CBLB: variants seen among roughly 807,000 people sequenced by gnomAD.
CBLB encodes E3 ubiquitin-protein ligase CBL-B.
Under a neutral mutation model 104.9 loss-of-function variants are expected in CBLB, and 31 were observed. The ratio of observed to expected loss-of-function variants is 0.30; its 90% confidence interval spans 0.22 to 0.40. The LOEUF (loss-of-function observed/expected upper bound fraction) is 0.40. Among genes scored for constraint, CBLB ranks in the 10% least tolerant of loss-of-function variants. The pLI, the probability that CBLB is intolerant of heterozygous loss-of-function variation, is 1.00. For synonymous variants in CBLB, 440 were observed against 422.6 expected, an observed-to-expected ratio of 1.04 and a Z score of -0.51; for missense variants, 1,062 against 1,214.6, an observed-to-expected ratio of 0.87 and a Z score of 1.87.
At chr3:105,769,629 A>G (rs966648778) in intron 4 of CBLB, among the ~76,000 whole-genome samples, 6 of 152,340 alleles carry the variant, frequency 3.9e-5, no homozygotes, top group Admixed American at 3.3e-4. Context: ...AACAAAGACA[A>G]TGAGGAGTAA....
intron 3 of CBLB, among the ~76,000 whole-genome samples, chr3:105,780,142 C>T (rs1321768578): frequency 6.6e-6 from 1 of 151,364 alleles, no homozygotes; most frequent in African/African-American, 2.4e-5. Context: ...CATGAGACAC[C>T]GTGCCCAGCC....
At chr3:105,699,575 G>A (rs1223277047) in intron 12 of CBLB, among the ~76,000 whole-genome samples, 1 of 152,154 alleles carries the variant, frequency 6.6e-6, no homozygotes, top group Non-Finnish European at 1.5e-5. Flanking sequence ...GAGAATTACA[G>A]GATCCTAAGT....
intron 18 of CBLB, among the ~76,000 whole-genome samples, chr3:105,669,862 T>C (rs972253632): frequency 2.6e-5 from 4 of 152,062 alleles, no homozygotes; most frequent in African/African-American, 9.7e-5. Context: ...AGAAAATGAA[T>C]AGTTTGGTGC....
At chr3:105,787,171 A>C (rs2081126420) in intron 3 of CBLB, among the ~76,000 whole-genome samples, 2 of 152,218 alleles carry the variant, frequency 1.3e-5, no homozygotes. Context: ...TTCTGAATAC[A>C]ATGACGACTA....
intron 3 of CBLB, among the ~76,000 whole-genome samples, chr3:105,833,513 C>T (rs1441737039): frequency 6.6e-6 from 1 of 152,020 alleles, no homozygotes; most frequent in East Asian, 1.9e-4. Flanking sequence ...TTCAAAGCGA[C>T]ACTCAGCAAG....
At chr3:105,835,924 G>C (rs1383568650) in intron 3 of CBLB, among the ~76,000 whole-genome samples, 1 of 152,170 alleles carries the variant, frequency 6.6e-6, no homozygotes, top group Non-Finnish European at 1.5e-5. Context: ...CTTGATGCTG[G>C]AATGATGCCA....
At chr3:105,831,115 T>G (rs1283584632) in intron 3 of CBLB, among the ~76,000 whole-genome samples, 1 of 152,176 alleles carries the variant, frequency 6.6e-6, no homozygotes, top group Admixed American at 6.5e-5. Flanking sequence ...CACATAACCA[T>G]GTTCATGGTT....
In CBLB at chr3:105,853,605, A is replaced by G. The variant is rs1276096055; in HGVS notation, c.228T>C (p.Asp76=). Reference sequence around the variant, plus strand: ...AATGCTGATATGTATCAGGCAAAATATCAAGTATATATGGTGGGCTATTTT... The same window carrying G: ...AATGCTGATATGTATCAGGCAAAATGTCAAGTATATATGGTGGGCTATTTT... ...QLKNSPPYIL[D]ILPDTYQHLR... is the part of the protein sequence containing the mutation. Residue 76 remains aspartate (D), a synonymous_variant, in exon 3 of 19, where the codon GAT becomes GAC. Coordinates refer to ENST00000394030, the MANE Select transcript of CBLB (RefSeq NM_170662.5). 1 of 1,610,610 alleles carries G rather than the reference A, an allele frequency of 6.2e-7. No individual in the cohort carries two copies. The highest frequency in any genetic ancestry group is 8.5e-7 in the Non-Finnish European group (1 of 1,177,436).
In CBLB at chr3:105,758,881, G is replaced by A. The variant is rs559320930; in HGVS notation, c.567-7263C>T. ...GGGGCTTCACAGCCTAGCTCAGGGAGCCTGTAGGTGTGGGCTCCCCAAAGG... is the reference window on the plus strand; with the variant it reads ...GGGGCTTCACAGCCTAGCTCAGGGAACCTGTAGGTGTGGGCTCCCCAAAGG... On this transcript the variant is annotated intron_variant, in intron 4 of 18. Coordinates refer to ENST00000394030, the MANE Select transcript of CBLB (RefSeq NM_170662.5). Among the ~76,000 whole-genome samples the A allele has an allele frequency of 2.0e-3, 303 of 152,386 alleles. 1 individual carries two copies. The highest frequency in any genetic ancestry group is 3.4e-3 in the Non-Finnish European group (232 of 68,042).
intron 4 of CBLB, among the ~76,000 whole-genome samples, chr3:105,757,413 T>C (rs1278953114): frequency 6.6e-6 from 1 of 152,178 alleles, no homozygotes; most frequent in African/African-American, 2.4e-5. Context: ...TATGATGGCA[T>C]GTATCAGAAC....
intron 2 of CBLB, among the ~76,000 whole-genome samples, chr3:105,866,716 T>C (rs2092447796): frequency 6.6e-6 from 1 of 152,192 alleles, no homozygotes; most frequent in Admixed American, 6.5e-5. Flanking sequence ...GATTTCTTCT[T>C]GTGAAATTAT....
intron 4 of CBLB, among the ~76,000 whole-genome samples, chr3:105,773,690 T>C (rs765712512): frequency 3.4e-4 from 52 of 152,220 alleles, no homozygotes; most frequent in Non-Finnish European, 6.8e-4. Flanking sequence ...GAAGATTCAG[T>C]TTAGTATTGG....
rs1576045337 is a variant in CBLB at position 105,657,246 on chromosome 3, C to T, written c.*1724G>A. 4.5e-6 allele frequency: 1 copy of T among 220,562 alleles called. No homozygotes were observed. Among genetic ancestry groups the T allele is most frequent in the African/African-American group, 2.2e-5 (1 of 44,648 alleles). The allele number at this position is 220,562 out of a possible 1,614,324, so 13.7% of individuals were successfully genotyped here. On this transcript the variant is annotated 3_prime_UTR_variant, in exon 19 of 19. Transcript: ENST00000394030. ...ATAACATTAATTTCCACCAGATCTACTAGATGTTCAGTCATGTCCTTTCAG... is the reference window on the plus strand; with the variant it reads ...ATAACATTAATTTCCACCAGATCTATTAGATGTTCAGTCATGTCCTTTCAG...
chr3:105,797,783 C>T (rs532202891), intron 3 of CBLB, among the ~76,000 whole-genome samples: 1 of 152,308 alleles, frequency 6.6e-6, no homozygotes, highest in South Asian at 2.1e-4. Flanking sequence ...TAATGTGATT[C>T]AGACATCAGG....
At chr3:105,674,259 C>T (rs1032315613) in intron 17 of CBLB, among the ~76,000 whole-genome samples, 1 of 152,220 alleles carries the variant, frequency 6.6e-6, no homozygotes, top group East Asian at 1.9e-4. Context: ...ATGGCATGCG[C>T]TTTCTCATCA....
intron 18 of CBLB, 82 bp from the exon 19 acceptor site, chr3:105,659,311 T>C: frequency 7.6e-7 from 1 of 1,319,308 alleles, no homozygotes; most frequent in Non-Finnish European, 1.1e-6. Flanking sequence ...ATTATCTCAT[T>C]TCCTATGGAA....
At chr3:105,822,972 T>A (rs1265807616) in intron 3 of CBLB, among the ~76,000 whole-genome samples, 1 of 152,194 alleles carries the variant, frequency 6.6e-6, no homozygotes, top group Non-Finnish European at 1.5e-5. Flanking sequence ...TGTGCTGCTT[T>A]TGTTCCTGTT....
intron 6 of CBLB, among the ~76,000 whole-genome samples, chr3:105,743,007 C>T (rs1016160676): frequency 1.3e-5 from 2 of 152,116 alleles, no homozygotes; most frequent in Admixed American, 1.3e-4. Flanking sequence ...TGGTAAGAGC[C>T]AAGGGCATTT....
chr3:105,838,613 T>C (rs1230134599), intron 3 of CBLB, among the ~76,000 whole-genome samples: 1 of 151,490 alleles, frequency 6.6e-6, no homozygotes, highest in Non-Finnish European at 1.5e-5. Context: ...AAGAAGAGAA[T>C]TGCAATCCAT....
Sources: allele counts gnomAD v4.1 joint callset (sites outside exome capture counted in the v4.1 genomes callset), GRCh38; gene constraint gnomAD v4.1.1; transcripts MANE v1.5; gene names NCBI Gene and HGNC (gene_info 2026-07-23, HGNC 2026-07-21).